The following MYO5B variants were observed in gnomAD, a reference collection of about 807,000 sequenced individuals.
MYO5B encodes unconventional myosin-Vb.
Under a neutral mutation model 229.3 loss-of-function variants are expected in MYO5B, and 143 were observed. That is an observed-to-expected ratio of 0.62 (90% confidence interval 0.54 to 0.72). The LOEUF is 0.72. MYO5B is among the 30% of genes least tolerant of loss of function. The pLI, the probability that MYO5B is intolerant of heterozygous loss-of-function variation, is 0.00. For missense variants in MYO5B, 2,321 were observed against 2,331.0 expected (o/e 1.00, Z 0.09); for synonymous variants, 918 against 885.2 (o/e 1.04, Z -0.66).
chr18:50,010,489 A>T (rs1282680916), intron 4 of MYO5B, among the ~76,000 whole-genome samples: 2 of 152,232 alleles, frequency 1.3e-5, no homozygotes, highest in East Asian at 1.9e-4. Context: ...TGCTCTTAAA[A>T]TAAGGGTCTG....
intron 1 of MYO5B, among the ~76,000 whole-genome samples, chr18:50,063,003 T>C (rs1418357361): frequency 6.6e-6 from 1 of 152,166 alleles, no homozygotes. Context: ...TATGAAATAT[T>C]TGGCCCAGTA....
At chr18:49,925,742 C>T (rs2025122043) in intron 17 of MYO5B, among the ~76,000 whole-genome samples, 1 of 152,210 alleles carries the variant, frequency 6.6e-6, no homozygotes, top group Non-Finnish European at 1.5e-5. Context: ...AAACAAGTAG[C>T]TCCGCAGCTC....
intron 27 of MYO5B, among the ~76,000 whole-genome samples, chr18:49,868,557 T>C (rs1220802631): frequency 6.6e-6 from 1 of 152,220 alleles, no homozygotes; most frequent in Non-Finnish European, 1.5e-5. Flanking sequence ...CTGCTGGCCG[T>C]AAGCAGGGTC....
At chr18:50,190,878 A>G (rs1320146924) in intron 1 of MYO5B, among the ~76,000 whole-genome samples, 1 of 152,236 alleles carries the variant, frequency 6.6e-6, no homozygotes. Flanking sequence ...TCCATTCCCA[A>G]AAATGTATAA....
chr18:50,052,975 G>A (rs1048870398), intron 2 of MYO5B, among the ~76,000 whole-genome samples: 35 of 152,284 alleles, frequency 2.3e-4, no homozygotes, highest in African/African-American at 8.4e-4. Flanking sequence ...GAACTTCAGG[G>A]GGAGGGAGGA....
At chr18:50,174,404 T>G (rs1194100008) in intron 1 of MYO5B, among the ~76,000 whole-genome samples, 1 of 152,138 alleles carries the variant, frequency 6.6e-6, no homozygotes, top group Non-Finnish European at 1.5e-5. Context: ...CACCAGGATG[T>G]CATGTGCTAG....
chr18:49,972,800 C>T (rs930368120), intron 10 of MYO5B, among the ~76,000 whole-genome samples: 1 of 152,034 alleles, frequency 6.6e-6, no homozygotes, highest in Non-Finnish European at 1.5e-5. Context: ...GGCAAGCACT[C>T]GATGGACCAG....
chr18:49,830,762 G>A (rs1282972376), intron 39 of MYO5B, among the ~76,000 whole-genome samples: 1 of 151,092 alleles, frequency 6.6e-6, no homozygotes, highest in East Asian at 1.9e-4. Context: ...GAACCTGGGA[G>A]GCGGAGGTTG....
chr18:49,922,135 A>C (rs1003614859), intron 17 of MYO5B, among the ~76,000 whole-genome samples: 6 of 152,214 alleles, frequency 3.9e-5, no homozygotes, highest in Non-Finnish European at 8.8e-5. Context: ...CATCAACAAA[A>C]TAACTGCTCA....
chr18:49,964,378 A>G (rs1440362787), intron 10 of MYO5B, among the ~76,000 whole-genome samples: 1 of 151,586 alleles, frequency 6.6e-6, no homozygotes, highest in African/African-American at 2.4e-5. Flanking sequence ...TTTTTTCTCA[A>G]CTTCTGTTGA....
At chr18:49,867,453 G>T (rs11663282) in intron 27 of MYO5B, among the ~76,000 whole-genome samples, 469 of 152,156 alleles carry the variant, frequency 3.1e-3, no homozygotes, top group Non-Finnish European at 5.0e-3. Flanking sequence ...AGGATGTGTG[G>T]GTGGGTGGGG....
intron 1 of MYO5B, among the ~76,000 whole-genome samples, chr18:50,179,606 A>G (rs1356062893): frequency 6.6e-6 from 1 of 152,226 alleles, no homozygotes; most frequent in African/African-American, 2.4e-5. Flanking sequence ...TGAGAAGACA[A>G]GGAAAAGAGC....
chr18:50,189,397 T>C (rs10164196), intron 1 of MYO5B, among the ~76,000 whole-genome samples: 83,792 of 151,948 alleles, frequency 0.55, 23,222 homozygotes, highest in Admixed American at 0.62. Context: ...ACAGTATGGG[T>C]CATACTTTAG....
chr18:50,020,664 A>G (rs1489355555), intron 4 of MYO5B, among the ~76,000 whole-genome samples: 1 of 152,222 alleles, frequency 6.6e-6, no homozygotes, highest in Non-Finnish European at 1.5e-5. Flanking sequence ...GGCTCATGCC[A>G]AGGTGGCAGC....
chr18:50,134,372 G>A (rs1008580898), intron 1 of MYO5B, among the ~76,000 whole-genome samples: 3 of 151,846 alleles, frequency 2.0e-5, no homozygotes, highest in African/African-American at 4.8e-5. Context: ...TAGCCAACAC[G>A]GTGAAACCCC....
rs575941029 is a variant in MYO5B, at chr18:49,995,464, T to G, written c.613-3033A>C. On this transcript the variant is annotated intron_variant, in intron 5 of 39. Transcript: ENST00000285039. ...TTTGTAGAGACAGGGTTTCACCGTG[T>G]TAGCCAGGATGGTCTCGATCTCCTG... Among the ~76,000 whole-genome samples, 8 of 151,836 alleles carry G rather than the reference T, an allele frequency of 5.3e-5. 1 individual carries two copies. The highest frequency in any genetic ancestry group is 1.9e-4 in the African/African-American group (8 of 41,410).
intron 14 of MYO5B, among the ~76,000 whole-genome samples, chr18:49,950,403 C>G (rs541776892): frequency 7.7e-4 from 118 of 152,340 alleles, no homozygotes; most frequent in African/African-American, 2.4e-3. Context: ...GATGTGCATA[C>G]TCTTTGAACC....
intron 4 of MYO5B, among the ~76,000 whole-genome samples, chr18:50,032,851 G>A (rs923201530): frequency 2.6e-5 from 4 of 152,122 alleles, no homozygotes; most frequent in Non-Finnish European, 4.4e-5. Flanking sequence ...GCTGGGTGTG[G>A]TGGCAGGTAC....
At position 49,974,508 on chromosome 18, in the gene MYO5B, G is replaced by A. The variant is rs756180263; in HGVS notation, c.1164C>T (p.Tyr388=). The A allele has an allele frequency of 2.2e-5, 35 of 1,614,058 alleles. No homozygotes were observed. Among genetic ancestry groups the A allele is most frequent in the South Asian group, 1.3e-4 (12 of 91,080 alleles). The change falls in exon 10 of 40, where the codon TAC becomes TAT. Residue 388 remains tyrosine (Y), a synonymous_variant. Transcript: ENST00000285039. Reference sequence around the variant, plus strand: ...CCTGCTGCAGGGACATGGTCTTGACGTAGGTCTCCGAGGTGGTGACCAGCT... The same window carrying A: ...CCTGCTGCAGGGACATGGTCTTGACATAGGTCTCCGAGGTGGTGACCAGCT... ...HRKLVTTSET[Y]VKTMSLQQVI... is the part of the protein sequence containing the mutation.
Sources: gnomAD v4.1 joint callset for allele counts (sites outside exome capture counted in the v4.1 genomes callset) on GRCh38, gnomAD v4.1.1 for gene constraint, MANE v1.5 for transcripts, NCBI Gene and HGNC (gene_info 2026-07-23, HGNC 2026-07-21) for gene names.